The following FANCA variants were observed in gnomAD, a reference collection of about 807,000 sequenced individuals.
The protein encoded by FANCA is FA complementation group A.
Under a neutral mutation model 194.3 loss-of-function variants are expected in FANCA, and 236 were observed. The observed-to-expected ratio is 1.21, with a 90% confidence interval of 1.09 to 1.35. The LOEUF (loss-of-function observed/expected upper bound fraction) is 1.35. FANCA is among the 40% of genes most tolerant of loss of function. The pLI is 0.00. For synonymous variants in FANCA, 1,014 were observed against 715.8 expected, an observed-to-expected ratio of 1.42 and a Z score of -6.65; for missense variants, 2,628 against 1,813.9, an observed-to-expected ratio of 1.45 and a Z score of -8.15.
At chr16:89,755,680 G>C (rs1306708129) in intron 30 of FANCA, among the ~76,000 whole-genome samples, 1 of 152,164 alleles carries the variant, frequency 6.6e-6, no homozygotes, top group Non-Finnish European at 1.5e-5. Context: ...TATTTGATAA[G>C]AACTTTATCT....
In FANCA at chr16:89,778,910, A is replaced by G. The variant is rs368910570; in HGVS notation, c.1776+33T>C. 1,398 of 1,614,010 alleles carry G rather than the reference A, an allele frequency of 8.7e-4. 1 individual carries two copies. Among genetic ancestry groups the G allele is most frequent in the Non-Finnish European group, 1.1e-3 (1,283 of 1,179,992 alleles). On this transcript the variant is annotated intron_variant, in intron 19 of 42. Transcript: ENST00000389301. ...AAGGAAAGTCCTTGCTTTCTACACA[A>G]CTGGTCACAAACTCATGGAGACGCA...
intron 6 of FANCA, 71 bp downstream of exon 6, chr16:89,808,223 G>C (rs1025129924): frequency 6.9e-7 from 1 of 1,447,252 alleles, no homozygotes; most frequent in Non-Finnish European, 9.7e-7. Flanking sequence ...TCTGATTCTG[G>C]GCTTTGAAAT....
intron 3 of FANCA, among the ~76,000 whole-genome samples, chr16:89,812,758 G>T (rs1377137077): frequency 1.3e-5 from 2 of 151,704 alleles, no homozygotes; most frequent in Admixed American, 6.6e-5. Flanking sequence ...TTACAGGCTG[G>T]TTGCGGTGGC....
rs990827677 is a variant in FANCA at position 89,761,432 on chromosome 16, A to G, written c.2852+517T>C. Among the ~76,000 whole-genome samples, 5 of 151,690 alleles carry G rather than the reference A, an allele frequency of 3.3e-5. No individual in the cohort carries two copies. In the East Asian group the frequency reaches 7.8e-4, roughly 24 times the overall value. On this transcript the variant is annotated intron_variant, in intron 29 of 42. Transcript: ENST00000389301. ...AGACTCTGTCTCAGAAAAAAAAAAA[A>G]AAAAAGAAAAACAGAAATTGCCACC... is the stretch of plus-strand genomic sequence containing the variant.
chr16:89,777,322 T>C (rs2039543557), intron 20 of FANCA, among the ~76,000 whole-genome samples: 1 of 152,108 alleles, frequency 6.6e-6, no homozygotes. Context: ...GTCAAGGCTG[T>C]AGTAAGCCAT....
At position 89,738,689 on chromosome 16, in the gene FANCA, T is replaced by A. The variant is rs2151709912; in HGVS notation, c.4280A>T (p.Asp1427Val). ...HVAELLADRG[D>V]CDPEVSAALQ... Reference sequence around the variant, plus strand: ...GGCGGCGCTCACCTCTGGGTCGCAGTCCCCACGATCAGCCAGCAGCTGTGA... The same window carrying A: ...GGCGGCGCTCACCTCTGGGTCGCAGACCCCACGATCAGCCAGCAGCTGTGA... The change falls in exon 43 of 43, where the codon GAC becomes GTC. Residue 1427 changes from aspartate to valine, a missense_variant. Physicochemically the swap from Asp to Val is radical, Grantham distance 152. Transcript: ENST00000389301. 1 of 1,613,724 alleles carries A rather than the reference T, an allele frequency of 6.2e-7. No individual in the cohort carries two copies. Among genetic ancestry groups the A allele is most frequent in the Non-Finnish European group, 8.5e-7 (1 of 1,179,972 alleles).
At chr16:89,795,610 CA>C (rs1455136194) in intron 11 of FANCA, among the ~76,000 whole-genome samples, 1 of 152,210 alleles carries the variant, frequency 6.6e-6, no homozygotes, top group East Asian at 1.9e-4. Flanking sequence ...TGCACTCCAG[CA>C]TGGGCAAGTG....
At chr16:89,758,494 C>G in intron 30 of FANCA, 83 bp downstream of exon 30, 1 of 1,548,314 alleles carries the variant, frequency 6.5e-7, no homozygotes, top group Non-Finnish European at 8.9e-7. Context: ...AGATGGGCAC[C>G]AGCATGGCCA....
intron 10 of FANCA, among the ~76,000 whole-genome samples, chr16:89,796,439 C>T (rs1158433630): frequency 6.6e-6 from 1 of 152,160 alleles, no homozygotes; most frequent in Non-Finnish European, 1.5e-5. Context: ...GAGAAGAGCC[C>T]AGCACACCAG....
chr16:89,805,961 G>C (rs1052235667), intron 6 of FANCA, among the ~76,000 whole-genome samples: 3 of 151,724 alleles, frequency 2.0e-5, no homozygotes, highest in African/African-American at 7.3e-5. Context: ...CATCCAGGCT[G>C]GAGTGCAATG....
At chr16:89,807,801 T>G (rs1244002518) in intron 6 of FANCA, among the ~76,000 whole-genome samples, 2 of 152,076 alleles carry the variant, frequency 1.3e-5, no homozygotes, top group Non-Finnish European at 2.9e-5. Flanking sequence ...GAGAATGGCG[T>G]GAACCCGGGA....
intron 31 of FANCA, 132 bp downstream of exon 31, chr16:89,752,006 G>GCTCA (rs1261987400): frequency 1.3e-6 from 1 of 794,056 alleles, no homozygotes; most frequent in Admixed American, 1.7e-5. Context: ...TCCTGACTGT[G>GCTCA]TGATCCGCCT....
At chr16:89,769,127 A>T (rs1049749327) in intron 26 of FANCA, among the ~76,000 whole-genome samples, 1 of 152,294 alleles carries the variant, frequency 6.6e-6, no homozygotes, top group Non-Finnish European at 1.5e-5. Flanking sequence ...AGACCCTGTC[A>T]TAATGTCAGA....
At chr16:89,767,530 G>T (rs546831974) in intron 26 of FANCA, among the ~76,000 whole-genome samples, 18 of 152,102 alleles carry the variant, frequency 1.2e-4, no homozygotes, top group Admixed American at 3.3e-4. Context: ...ACCATGCCCA[G>T]CTGATTCTGT....
chr16:89,772,427 T>C (rs1291975364), intron 22 of FANCA, among the ~76,000 whole-genome samples: 3 of 152,184 alleles, frequency 2.0e-5, no homozygotes, highest in Non-Finnish European at 4.4e-5. Context: ...GTGTTAACAT[T>C]GCCTCCATGC....
chr16:89,777,592 CTTTGTG>C, intron 20 of FANCA, among the ~76,000 whole-genome samples: 1 of 151,652 alleles, frequency 6.6e-6, no homozygotes, highest in South Asian at 2.1e-4. Context: ...AAAAAAGGCT[CTTTGTG>C]TTTATCTTCT....
chr16:89,779,725 A>C (rs1324047849), intron 18 of FANCA, 144 bp downstream of exon 18: 1 of 746,190 alleles, frequency 1.3e-6, no homozygotes, highest in African/African-American at 1.7e-5. Context: ...GACACACTCC[A>C]AAGAGCCCCA....
intron 26 of FANCA, 21 bp from the exon 27 acceptor site, chr16:89,767,258 A>T: frequency 6.6e-7 from 1 of 1,512,342 alleles, no homozygotes; most frequent in African/African-American, 1.4e-5. Flanking sequence ...AAATTATAAC[A>T]TATAAATGTA....
chr16:89,770,687 G>T, intron 23 of FANCA, 53 bp from the exon 24 acceptor site: 1 of 1,487,882 alleles, frequency 6.7e-7, no homozygotes, highest in Non-Finnish European at 9.2e-7. Context: ...GGAGCAGCAG[G>T]AAGGAAGCCG....
Sources: allele counts gnomAD v4.1 joint callset (sites outside exome capture counted in the v4.1 genomes callset), GRCh38; gene constraint gnomAD v4.1.1; transcripts MANE v1.5; gene names NCBI Gene and HGNC (gene_info 2026-07-23, HGNC 2026-07-21).